SKI: variants seen among roughly 807,000 people sequenced by gnomAD.
SKI encodes ski oncogene.
In SKI, 23 loss-of-function variants were observed where a neutral mutation model predicts 59.3. The ratio of observed to expected loss-of-function variants is 0.39; its 90% CI spans 0.28 to 0.55. The LOEUF (loss-of-function observed/expected upper bound fraction) is 0.55, where lower values mean the gene tolerates loss of function less well. Among genes scored for constraint, SKI ranks in the 20% least tolerant of loss-of-function variants. The pLI is 0.67. For missense variants in SKI, 1,017 were observed against 1,038.9 expected (o/e 0.98, Z 0.29); for synonymous variants, 673 against 488.6 (o/e 1.38, Z -4.98).
At chr1:2,293,520 C>T (rs1013040374) in intron 1 of SKI, among the ~76,000 whole-genome samples, 7 of 151,958 alleles carry the variant, frequency 4.6e-5, no homozygotes, top group Admixed American at 1.3e-4. Flanking sequence ...TCCCCACCAT[C>T]GTGCCCTCTT....
At chr1:2,251,712 G>A (rs1233720437) in intron 1 of SKI, among the ~76,000 whole-genome samples, 2 of 152,230 alleles carry the variant, frequency 1.3e-5, no homozygotes, top group Admixed American at 1.3e-4. Context: ...TATGTGATAG[G>A]TTCACAGGTC....
chr1:2,296,424 C>A (rs910451707), intron 1 of SKI, among the ~76,000 whole-genome samples: 2 of 152,016 alleles, frequency 1.3e-5, no homozygotes, highest in African/African-American at 2.4e-5. Context: ...TTCTAGCCAT[C>A]GTTGTGGGCG....
chr1:2,277,826 G>T (rs1423063451), intron 1 of SKI, among the ~76,000 whole-genome samples: 2 of 146,910 alleles, frequency 1.4e-5, no homozygotes, highest in Non-Finnish European at 3.0e-5. Flanking sequence ...GCACACACCT[G>T]CACTCACGCA....
chr1:2,275,074 C>A (rs1445517484), intron 1 of SKI, among the ~76,000 whole-genome samples: 1 of 152,222 alleles, frequency 6.6e-6, no homozygotes, highest in Admixed American at 6.5e-5. Flanking sequence ...CCAGGTGTTT[C>A]TCCAGCTGAA....
intron 1 of SKI, among the ~76,000 whole-genome samples, chr1:2,277,877 C>T (rs900005033): frequency 8.2e-5 from 12 of 146,768 alleles, no homozygotes; most frequent in African/African-American, 2.5e-4. Flanking sequence ...ACATCAGCAC[C>T]GTGGGCGCAC....
chr1:2,306,745 G>C lies in SKI; in HGVS notation c.2167G>C (p.Ala723Pro). The stretch of plus-strand genomic sequence containing the variant: ...CCCCGAGGCTGCGGGCAGCGAGGGC[G>C]CTGCGGAGCTGGAGCCGTAGATTCC... ...ARPEAAGSEG[A>P]AELEP Residue 723 changes from alanine (A) to proline (P), a missense_variant, in exon 7 of 7, where the codon GCT (alanine) becomes CCT (proline). By Grantham distance (27) the Ala-to-Pro change is conservative. Coordinates refer to ENST00000378536, the MANE Select transcript of SKI (RefSeq NM_003036.4). 6.6e-7 allele frequency: 1 copy of C among 1,525,168 alleles called. No homozygotes were observed. The highest frequency in any genetic ancestry group is 1.2e-5 in the South Asian group (1 of 82,106). The allele number at this position is 1,525,168 out of a possible 1,614,324, so 94.5% of individuals were successfully genotyped here.
chr1:2,245,126 G>T (rs1024628924), intron 1 of SKI, among the ~76,000 whole-genome samples: 1 of 149,856 alleles, frequency 6.7e-6, no homozygotes, highest in African/African-American at 2.4e-5. Context: ...CCCACCCGCC[G>T]CTTTCTGTTT....
chr1:2,295,961 C>A (rs897736703), intron 1 of SKI, among the ~76,000 whole-genome samples: 3 of 152,100 alleles, frequency 2.0e-5, no homozygotes, highest in African/African-American at 7.2e-5. Context: ...AATTGCTGGG[C>A]GATGTAACTG....
intron 1 of SKI, among the ~76,000 whole-genome samples, chr1:2,251,258 C>T (rs1639141353): frequency 6.6e-6 from 1 of 152,134 alleles, no homozygotes; most frequent in Admixed American, 6.5e-5. Flanking sequence ...GTTGGCTGCC[C>T]ACAGGTCTGG....
chr1:2,279,238 A>G (rs1639816292), intron 1 of SKI, among the ~76,000 whole-genome samples: 1 of 152,078 alleles, frequency 6.6e-6, no homozygotes, highest in South Asian at 2.1e-4. Context: ...TGCATCCCCT[A>G]CGGAACAGCA....
chr1:2,230,355 G>A (rs1638606744), intron 1 of SKI, among the ~76,000 whole-genome samples: 1 of 152,158 alleles, frequency 6.6e-6, no homozygotes, highest in Non-Finnish European at 1.5e-5. Context: ...CCCGAGACTT[G>A]GCGGCTCCAG....
At chr1:2,280,045 G>T (rs1639837418) in intron 1 of SKI, among the ~76,000 whole-genome samples, 1 of 152,176 alleles carries the variant, frequency 6.6e-6, no homozygotes, top group South Asian at 2.1e-4. Context: ...AAAATTCTGA[G>T]TCTGCCTTCC....
chr1:2,229,519 C>T lies in SKI; in HGVS notation c.753C>T (p.Arg251=), dbSNP rs1383545325. The T allele has an allele frequency of 1.2e-6, 2 of 1,611,162 alleles. No individual in the cohort carries two copies. Among genetic ancestry groups the T allele is most frequent in the African/African-American group, 1.3e-5 (1 of 74,940 alleles). The change falls in exon 1 of 7, where the codon CGC becomes CGT. Residue 251 remains arginine (R), a synonymous_variant. Transcript: ENST00000378536. The surrounding 1 kb of genome is among the most constrained non-coding windows in gnomAD (Gnocchi z 6.3). ...CCTGCATCCAGTGCCTGGACTGCCG[C>T]CTCATGTACCCGCCGCACAAGTTCG... ...SAACIQCLDC[R]LMYPPHKFVV...
chr1:2,237,580 G>A (rs1328219850), intron 1 of SKI, among the ~76,000 whole-genome samples: 2 of 152,234 alleles, frequency 1.3e-5, no homozygotes, highest in African/African-American at 4.8e-5. Context: ...TGGTCCAGCT[G>A]TTGAGAGGAG....
At chr1:2,272,547 C>T (rs904102429) in intron 1 of SKI, among the ~76,000 whole-genome samples, 15 of 152,218 alleles carry the variant, frequency 9.9e-5, no homozygotes, top group Non-Finnish European at 1.9e-4. Context: ...CTGGTCCTGC[C>T]AAGGCTCGGG....
Position 2,304,233 on chromosome 1 carries a change from C to T in SKI, c.1475-60C>T, listed in dbSNP as rs2843159. 0.19 allele frequency: 287,506 copies of T among 1,552,814 alleles called. 33,893 individuals are homozygous for T. Among genetic ancestry groups the T allele is most frequent in the African/African-American group, 0.51 (37,136 of 73,068 alleles). ...GGTTCCTCCGGGAGCGGCGCGTCTC[C>T]CTGGTGTGGAGCTGCCGGGCACTTC... On this transcript the variant is annotated intron_variant, in intron 4 of 6. Transcript: ENST00000378536.
chr1:2,234,775 T>C (rs1389189968), intron 1 of SKI, among the ~76,000 whole-genome samples: 1 of 152,228 alleles, frequency 6.6e-6, no homozygotes, highest in African/African-American at 2.4e-5. Flanking sequence ...CTGAAATGTT[T>C]TTAAAAAGTT....
At chr1:2,247,617 C>T (rs1191362784) in intron 1 of SKI, among the ~76,000 whole-genome samples, 2 of 152,204 alleles carry the variant, frequency 1.3e-5, no homozygotes, top group African/African-American at 4.8e-5. Flanking sequence ...GGTTGGGGTG[C>T]AGCCACCAGG....
At chr1:2,265,596 T>C (rs867263777) in intron 1 of SKI, among the ~76,000 whole-genome samples, 1 of 152,242 alleles carries the variant, frequency 6.6e-6, no homozygotes, top group South Asian at 2.1e-4. Flanking sequence ...ATTTTCTTCA[T>C]TGTGGTCCAC....
Sources: gnomAD v4.1 joint callset for allele counts (sites outside exome capture counted in the v4.1 genomes callset) on GRCh38, gnomAD v4.1.1 for gene constraint, Gnocchi (gnomAD v3.1) non-coding constraint, MANE v1.5 for transcripts, NCBI Gene and HGNC (gene_info 2026-07-23, HGNC 2026-07-21) for gene names.